DLG2: variants seen among roughly 807,000 people sequenced by gnomAD.
DLG2 encodes disks large homolog 2.
DLG2 carries 45 observed loss-of-function variants against 132.5 expected under a neutral mutation model. The ratio of observed to expected loss-of-function variants is 0.34; its 90% CI spans 0.27 to 0.44. The LOEUF is 0.44. DLG2 is among the 20% of genes least tolerant of loss of function. The pLI is 1.00. For synonymous variants in DLG2, 424 were observed against 419.6 expected (o/e 1.01, Z -0.13); for missense variants, 1,045 against 1,196.9 (o/e 0.87, Z 1.87).
intron 4 of DLG2, among the ~76,000 whole-genome samples, chr11:85,163,745 A>C (rs1389600): frequency 0.96 from 146,390 of 152,240 alleles, 71,061 homozygotes; most frequent in Non-Finnish European, 1. Flanking sequence ...CCACCCATTG[A>C]ATAGGGTCTT....
At chr11:83,590,565 A>G (rs1322345074) in intron 19 of DLG2, among the ~76,000 whole-genome samples, 2 of 151,904 alleles carry the variant, frequency 1.3e-5, no homozygotes, top group Admixed American at 6.6e-5. Flanking sequence ...ACACCCTAAC[A>G]TCACAATTAA....
chr11:84,773,465 A>G (rs76560853), intron 6 of DLG2, among the ~76,000 whole-genome samples: 2,315 of 152,254 alleles, frequency 0.015, 72 homozygotes, highest in African/African-American at 0.052. Flanking sequence ...CAGAGACACA[A>G]TGAAGAAAGT....
intron 6 of DLG2, among the ~76,000 whole-genome samples, chr11:84,794,920 G>A (rs551385741): frequency 2.7e-4 from 41 of 152,304 alleles, no homozygotes; most frequent in African/African-American, 3.8e-4. Flanking sequence ...CCTGTGTGCC[G>A]TGGGCACCAT....
chr11:84,676,362 T>C (rs1223937964), intron 6 of DLG2, among the ~76,000 whole-genome samples: 1 of 152,072 alleles, frequency 6.6e-6, no homozygotes, highest in Non-Finnish European at 1.5e-5. Context: ...AGAACCTATG[T>C]TTCCAATGAT....
intron 6 of DLG2, among the ~76,000 whole-genome samples, chr11:84,667,055 T>C (rs112289956): frequency 2.0e-5 from 3 of 152,290 alleles, no homozygotes; most frequent in African/African-American, 4.8e-5. Flanking sequence ...TATTTATTGA[T>C]GAGAATGCCA....
At chr11:85,295,627 A>G (rs1407829262) in intron 3 of DLG2, among the ~76,000 whole-genome samples, 3 of 152,148 alleles carry the variant, frequency 2.0e-5, no homozygotes, top group African/African-American at 2.4e-5. Context: ...CAGTATGCAT[A>G]ATAGAATGTT....
intron 6 of DLG2, among the ~76,000 whole-genome samples, chr11:84,786,825 C>A (rs552728156): frequency 2.8e-4 from 43 of 152,166 alleles, no homozygotes; most frequent in Non-Finnish European, 4.7e-4. Context: ...GTGACACCAC[C>A]ACCCTATGTT....
chr11:83,750,323 T>C (rs71465556), intron 18 of DLG2, among the ~76,000 whole-genome samples: 6,525 of 152,238 alleles, frequency 0.043, 205 homozygotes, highest in Middle Eastern at 0.11. Flanking sequence ...TATCGACAAG[T>C]ATGAGGAATG....
intron 6 of DLG2, among the ~76,000 whole-genome samples, chr11:84,975,228 G>C (rs958667488): frequency 6.6e-6 from 1 of 152,122 alleles, no homozygotes. Context: ...TCTTTACTAA[G>C]AGAATCTAAA....
rs565097691 is a variant in DLG2, at chr11:83,512,496, C to G, written c.2193+20212G>C. On this transcript the variant is annotated intron_variant, in intron 21 of 27. Coordinates refer to ENST00000376104, the MANE Select transcript of DLG2 (RefSeq NM_001142699.3). ...TCATCATTTAACCAGCAACTTTATA[C>G]TGTATTTTTATTTAATTATTGCATC... Among the ~76,000 whole-genome samples, 5 of 152,040 alleles carry G rather than the reference C, an allele frequency of 3.3e-5. No individual in the cohort carries two copies. The South Asian group carries it at 1.0e-3, about 32-fold the overall frequency.
At chr11:84,516,856 T>A (rs2099274692) in intron 7 of DLG2, among the ~76,000 whole-genome samples, 1 of 150,964 alleles carries the variant, frequency 6.6e-6, no homozygotes, top group African/African-American at 2.4e-5. Flanking sequence ...CAGCAGTACA[T>A]TAAAAAGTTT....
chr11:84,676,813 A>G (rs2099712645), intron 6 of DLG2, among the ~76,000 whole-genome samples: 1 of 152,166 alleles, frequency 6.6e-6, no homozygotes, highest in East Asian at 1.9e-4. Context: ...AGAAATATAG[A>G]CTTTCATGAC....
chr11:83,944,668 T>A (rs113953658), intron 14 of DLG2, among the ~76,000 whole-genome samples: 1,977 of 152,310 alleles, frequency 0.013, 22 homozygotes, highest in Non-Finnish European at 0.019. Context: ...CGGAATAGAT[T>A]CAACAGATGA....
rs554467674 is a variant in DLG2 at position 85,178,492 on chromosome 11, A to C, written c.187-23841T>G. 5.3e-5 allele frequency among the ~76,000 whole-genome samples: 8 copies of C among 152,126 alleles called. No homozygotes were observed. In the East Asian group the frequency reaches 1.5e-3, roughly 29 times the overall value. ...CCAAACTGTTTGAAGAAAGTATTAT[A>C]CTAAAACTATAGCAAAATTAGTAAT... is the stretch of plus-strand genomic sequence containing the variant. On this transcript the variant is annotated intron_variant, in intron 4 of 27. Coordinates refer to ENST00000376104, the MANE Select transcript of DLG2 (RefSeq NM_001142699.3).
chr11:83,795,957 C>G (rs1056673336), intron 17 of DLG2, among the ~76,000 whole-genome samples: 5 of 152,220 alleles, frequency 3.3e-5, no homozygotes, highest in African/African-American at 1.2e-4. Context: ...ATATCTAGAA[C>G]ATAGCTTCTC....
rs769273680 is a variant in DLG2, at chr11:83,541,761, C to G, written c.2038G>C (p.Asp680His). 6.2e-7 allele frequency: 1 copy of G among 1,613,480 alleles called. No homozygotes were observed. The highest frequency in any genetic ancestry group is 8.5e-7 in the Non-Finnish European group (1 of 1,179,622). Reference protein sequence around the residue: ...GDILHVINASDDEWWQARRVM... With the variant: ...GDILHVINASHDEWWQARRVM... Reference sequence around the variant, plus strand: ...CTCCTGGCTTGCCACCACTCATCATCAGAGGCATTGATAACGTGGAGAATA... The same window carrying G: ...CTCCTGGCTTGCCACCACTCATCATGAGAGGCATTGATAACGTGGAGAATA... The change falls in exon 20 of 28, where the codon GAT (aspartate) becomes CAT (histidine). Residue 680 changes from aspartate (D) to histidine (H), a missense_variant. By Grantham distance (81) the Asp-to-His change is moderately conservative (BLOSUM62 -1). This residue lies in a region of DLG2 where 398 missense variants were observed against 543.6 expected (regional missense o/e 0.73). Transcript: ENST00000376104.
intron 7 of DLG2, among the ~76,000 whole-genome samples, chr11:84,492,880 T>C (rs1344981523): frequency 6.6e-6 from 1 of 152,128 alleles, no homozygotes; most frequent in African/African-American, 2.4e-5. Context: ...AAAGGAATTA[T>C]ATATAATTCC....
At chr11:85,259,012 G>T (rs2076805727) in intron 4 of DLG2, among the ~76,000 whole-genome samples, 1 of 152,112 alleles carries the variant, frequency 6.6e-6, no homozygotes, top group South Asian at 2.1e-4. Flanking sequence ...TATTTCATCT[G>T]CCTCCTTTGA....
At chr11:85,307,639 A>G (rs984124441) in intron 3 of DLG2, among the ~76,000 whole-genome samples, 4 of 152,212 alleles carry the variant, frequency 2.6e-5, no homozygotes, top group Non-Finnish European at 5.9e-5. Flanking sequence ...ATAATTCCCA[A>G]CACCAATGGG....
Sources: allele counts gnomAD v4.1 joint callset (sites outside exome capture counted in the v4.1 genomes callset), GRCh38; gene constraint gnomAD v4.1.1; regional missense constraint gnomAD v4.1.1; transcripts MANE v1.5; gene names NCBI Gene and HGNC (gene_info 2026-07-23, HGNC 2026-07-21).